FAM81A: variants seen among roughly 807,000 people sequenced by gnomAD.
The protein encoded by FAM81A is family with sequence similarity 81 member A, also known as protein FAM81A.
In FAM81A, 19 loss-of-function variants were observed where a neutral mutation model predicts 46.7. That is an observed-to-expected ratio of 0.41 (90% confidence interval 0.28 to 0.60). The LOEUF is 0.60. Among genes scored for constraint, FAM81A ranks in the 20% least tolerant of loss-of-function variants. The probability of loss-of-function intolerance (pLI) is 0.34; values close to 1 mark genes in which losing one functional copy is unlikely to be tolerated. For missense variants in FAM81A, 377 were observed against 453.5 expected, an observed-to-expected ratio of 0.83 and a Z score of 1.53; for synonymous variants, 183 against 152.9, an observed-to-expected ratio of 1.20 and a Z score of -1.45.
chr15:59,470,411 C>G (rs1054734970), intron 3 of FAM81A, among the ~76,000 whole-genome samples: 1 of 152,136 alleles, frequency 6.6e-6, no homozygotes, highest in Admixed American at 6.6e-5. Context: ...TCTTTTTACT[C>G]TTTTTTCTCT....
At chr15:59,511,825 A>T (rs1434456090) in intron 6 of FAM81A, among the ~76,000 whole-genome samples, 2 of 151,738 alleles carry the variant, frequency 1.3e-5, no homozygotes, top group African/African-American at 4.8e-5. Context: ...TAATTTTTGT[A>T]TTTTTGGTAG....
chr15:59,463,247 A>G (rs1180907866), intron 3 of FAM81A, among the ~76,000 whole-genome samples: 3 of 152,126 alleles, frequency 2.0e-5, no homozygotes, highest in African/African-American at 4.8e-5. Context: ...AGGAAAATCT[A>G]TCCTTTTCCC....
intron 3 of FAM81A, among the ~76,000 whole-genome samples, chr15:59,473,919 C>T (rs1393829138): frequency 1.3e-5 from 2 of 152,164 alleles, no homozygotes; most frequent in Non-Finnish European, 2.9e-5. Context: ...CCAAGCAGTC[C>T]TCTCACCTTG....
chr15:59,448,875 G>C (rs1212277315), intron 1 of FAM81A, among the ~76,000 whole-genome samples: 1 of 152,084 alleles, frequency 6.6e-6, no homozygotes, highest in Non-Finnish European at 1.5e-5. Flanking sequence ...ATGTTGCACA[G>C]GCTGGTCTTG....
intron 3 of FAM81A, among the ~76,000 whole-genome samples, chr15:59,465,853 G>A (rs181404732): frequency 2.5e-3 from 384 of 151,872 alleles, no homozygotes; most frequent in African/African-American, 7.9e-3. Flanking sequence ...CCAGCCCCCC[G>A]TCCGCTGACA....
At position 59,438,190 on chromosome 15, in the gene FAM81A, C is replaced by T. The variant is rs1317406864; in HGVS notation, c.-170C>T. 3 of 146,510 alleles carry T rather than the reference C, an allele frequency of 2.0e-5. No individual in the cohort carries two copies. Among genetic ancestry groups the T allele is most frequent in the Admixed American group, 6.8e-5 (1 of 14,754 alleles). The allele number at this position is 146,510 out of a possible 1,614,324, so 9.1% of individuals were successfully genotyped here. On this transcript the variant is annotated 5_prime_UTR_variant, in exon 1 of 9. Transcript: ENST00000288228. ...CGCTCCCCGCGGCGCGGGCCCGCAG[C>T]CGGGCGCCCTGCTCAGCCAGCGCCA...
In FAM81A at chr15:59,481,965, TAG is replaced by T. The variant is rs142602746; in HGVS notation, c.295-10304_295-10303del. Among the ~76,000 whole-genome samples, 1,332 of 152,108 alleles carry T rather than the reference TAG, an allele frequency of 8.8e-3. 23 individuals are homozygous for T. The highest frequency in any genetic ancestry group is 0.03 in the African/African-American group (1,240 of 41,512). On this transcript the variant is annotated intron_variant, in intron 3 of 8. Transcript: ENST00000288228. ...AATGCTATTTTTGAGGTTTAAAAAA[TAG>T]ACTTTATTTTTTAGAGCATTTTTTG...
upstream of FAM81A, among the ~76,000 whole-genome samples, chr15:59,433,411 C>T (rs1023485746): frequency 2.0e-5 from 3 of 152,014 alleles, no homozygotes; most frequent in Admixed American, 6.6e-5. Context: ...TAAGTTAAGA[C>T]GTAAACATTA....
In FAM81A at chr15:59,518,120, C is replaced by T. The variant is rs376317508; in HGVS notation, c.982+1280C>T. Among the ~76,000 whole-genome samples the T allele has an allele frequency of 5.3e-5, 8 of 151,024 alleles. No homozygotes were observed. In the East Asian group the frequency reaches 1.6e-3, roughly 29 times the overall value. ...CCTGAGTAGCTGGGATTACAGGCGC[C>T]TGACATCACGGCCGGCTAATTTTTT... On this transcript the variant is annotated intron_variant, in intron 8 of 8. Coordinates refer to ENST00000288228, the MANE Select transcript of FAM81A (RefSeq NM_152450.3).
chr15:59,430,487 A>G (rs1328586396), intron 2 of FAM81A, among the ~76,000 whole-genome samples: 1 of 151,872 alleles, frequency 6.6e-6, no homozygotes, highest in Non-Finnish European at 1.5e-5. Flanking sequence ...GCTGGTCTTG[A>G]GCTCCTGACC....
intron 5 of FAM81A, among the ~76,000 whole-genome samples, chr15:59,507,607 C>A (rs1472871124): frequency 1.3e-5 from 2 of 152,118 alleles, no homozygotes; most frequent in Non-Finnish European, 2.9e-5. Flanking sequence ...CTAATACATT[C>A]CAGAAATTCT....
chr15:59,413,553 T>C (rs1245364745), intron 2 of FAM81A, among the ~76,000 whole-genome samples: 9 of 152,036 alleles, frequency 5.9e-5, no homozygotes, highest in Non-Finnish European at 1.3e-4. Context: ...AATCAAAAAG[T>C]CTCTGTACTT....
At chr15:59,472,777 C>T (rs1165980957) in intron 3 of FAM81A, among the ~76,000 whole-genome samples, 1 of 152,018 alleles carries the variant, frequency 6.6e-6, no homozygotes, top group Non-Finnish European at 1.5e-5. Flanking sequence ...TTCCATTAAC[C>T]CCCTTAAGTT....
intron 3 of FAM81A, among the ~76,000 whole-genome samples, chr15:59,487,668 A>T: frequency 6.6e-6 from 1 of 152,164 alleles, no homozygotes; most frequent in East Asian, 1.9e-4. Flanking sequence ...AAATGGATAA[A>T]TTCTTAGACA....
intron 3 of FAM81A, among the ~76,000 whole-genome samples, chr15:59,475,173 C>G (rs1596504181): frequency 6.6e-6 from 1 of 151,016 alleles, no homozygotes; most frequent in Non-Finnish European, 1.5e-5. Context: ...GAGACAAGGT[C>G]TCACTCCCTC....
intron 3 of FAM81A, among the ~76,000 whole-genome samples, chr15:59,489,284 TAC>T: frequency 6.7e-6 from 1 of 149,766 alleles, no homozygotes. Context: ...CATACATACA[TAC>T]ATACATACAT....
intron 4 of FAM81A, among the ~76,000 whole-genome samples, chr15:59,506,003 GC>G (rs1350365530): frequency 6.6e-6 from 1 of 151,892 alleles, no homozygotes; most frequent in African/African-American, 2.4e-5. Flanking sequence ...AATCTTTAGG[GC>G]TACTCCTAAG....
intron 2 of FAM81A, among the ~76,000 whole-genome samples, chr15:59,459,320 C>T (rs879648390): frequency 3.9e-5 from 6 of 152,092 alleles, no homozygotes; most frequent in East Asian, 1.9e-4. Context: ...TTAAATGAAT[C>T]GTTAACATTT....
At chr15:59,467,282 A>G (rs552685877) in intron 3 of FAM81A, among the ~76,000 whole-genome samples, 89 of 152,264 alleles carry the variant, frequency 5.8e-4, no homozygotes, top group Middle Eastern at 6.8e-3. Context: ...CATTGAATCT[A>G]TAAATTACTT....
Sources: gnomAD v4.1 joint callset for allele counts (sites outside exome capture counted in the v4.1 genomes callset) on GRCh38, gnomAD v4.1.1 for gene constraint, MANE v1.5 for transcripts, NCBI Gene and HGNC (gene_info 2026-07-23, HGNC 2026-07-21) for gene names.